UBAC2: variants seen among roughly 807,000 people sequenced by gnomAD.
UBAC2 encodes UBA domain containing 2.
In UBAC2, 26 loss-of-function variants were observed where a neutral mutation model predicts 44.0. That is an observed-to-expected ratio of 0.59 (90% confidence interval 0.43 to 0.82). UBAC2 has a LOEUF of 0.82. Among genes scored for constraint, UBAC2 ranks in the 40% least tolerant of loss-of-function variants. The pLI is 0.00. For missense variants in UBAC2, 329 were observed against 419.4 expected (o/e 0.78, Z 1.88); for synonymous variants, 155 against 154.3 (o/e 1.00, Z -0.04).
At position 99,331,861 on chromosome 13, in the gene UBAC2, C is replaced by T. The variant is rs77914076; in HGVS notation, c.562-8459C>T. On this transcript the variant is annotated intron_variant, in intron 6 of 8. Transcript: ENST00000403766. ...AGGGCAGGGATTTTTCTGTTTTGCTCCTTACTATGTTTCAGTGTTTAGAAC... is the reference window on the plus strand; with the variant it reads ...AGGGCAGGGATTTTTCTGTTTTGCTTCTTACTATGTTTCAGTGTTTAGAAC... 6.2e-3 allele frequency among the ~76,000 whole-genome samples: 936 copies of T among 151,704 alleles called. 15 individuals are homozygous for T. Among genetic ancestry groups the T allele is most frequent in the East Asian group, 0.043 (220 of 5,132 alleles).
chr13:99,334,092 A>G (rs2044754050), intron 6 of UBAC2, among the ~76,000 whole-genome samples: 1 of 152,064 alleles, frequency 6.6e-6, no homozygotes, highest in African/African-American at 2.4e-5. Flanking sequence ...GACTACAGGC[A>G]TGCACCACCA....
intron 7 of UBAC2, chr13:99,356,210 G>A (rs760165040): frequency 3.7e-6 from 2 of 534,488 alleles, no homozygotes; most frequent in Non-Finnish European, 7.7e-6. Context: ...GTACTCTGTA[G>A]ATGTCTTTGC....
intron 4 of UBAC2, among the ~76,000 whole-genome samples, chr13:99,260,558 G>A (rs981784048): frequency 1.3e-5 from 2 of 152,186 alleles, no homozygotes; most frequent in African/African-American, 4.8e-5. Context: ...ATTGACCCCC[G>A]TTCGCTGTGC....
At chr13:99,324,018 C>T (rs567390953) in intron 6 of UBAC2, among the ~76,000 whole-genome samples, 85 of 152,242 alleles carry the variant, frequency 5.6e-4, no homozygotes, top group Admixed American at 2.7e-3. Flanking sequence ...TTTCAAAATG[C>T]GACCTCCTCA....
intron 7 of UBAC2, among the ~76,000 whole-genome samples, chr13:99,366,562 G>A (rs899012742): frequency 2.0e-5 from 3 of 152,094 alleles, no homozygotes; most frequent in South Asian, 2.1e-4. Flanking sequence ...TTTGCCTGTG[G>A]TTCTTAATTC....
chr13:99,274,892 A>G (rs1474118707), intron 4 of UBAC2, among the ~76,000 whole-genome samples: 1 of 151,200 alleles, frequency 6.6e-6, no homozygotes, highest in Admixed American at 6.6e-5. Flanking sequence ...TAATTTTTGT[A>G]TTCTTTGTAG....
At chr13:99,243,761 C>A (rs1337789792) in intron 2 of UBAC2, 71 bp from the exon 3 acceptor site, 8 of 1,430,784 alleles carry the variant, frequency 5.6e-6, no homozygotes, top group Non-Finnish European at 7.6e-6. Context: ...GTAAACATAA[C>A]AAATTTGCTA....
At chr13:99,215,810 G>T in intron 1 of UBAC2, 1 of 661,532 alleles carries the variant, frequency 1.5e-6, no homozygotes, top group East Asian at 2.6e-5. Context: ...AATCAGACCC[G>T]TGGTGAGATC....
chr13:99,325,395 GC>G (rs2044627980), intron 6 of UBAC2, among the ~76,000 whole-genome samples: 1 of 152,130 alleles, frequency 6.6e-6, no homozygotes, highest in Admixed American at 6.6e-5. Flanking sequence ...GAGCCACAGT[GC>G]CCGGCCTATG....
chr13:99,279,969 G>T (rs1413951986), intron 4 of UBAC2, among the ~76,000 whole-genome samples: 2 of 152,224 alleles, frequency 1.3e-5, no homozygotes, highest in African/African-American at 4.8e-5. Context: ...CTCCCACATA[G>T]TGGACACAAC....
chr13:99,357,379 C>T (rs2045202681), intron 7 of UBAC2, among the ~76,000 whole-genome samples: 1 of 152,226 alleles, frequency 6.6e-6, no homozygotes, highest in South Asian at 2.1e-4. Flanking sequence ...CTCGTTCAGT[C>T]CTGAAGTGCT....
chr13:99,256,677 A>G (rs960243064), intron 4 of UBAC2, among the ~76,000 whole-genome samples: 1 of 149,898 alleles, frequency 6.7e-6, no homozygotes, highest in African/African-American at 2.5e-5. Context: ...CAGTAACTTG[A>G]TGTGTATGTA....
chr13:99,347,131 G>T (rs1376989199), intron 7 of UBAC2, among the ~76,000 whole-genome samples: 1 of 150,292 alleles, frequency 6.7e-6, no homozygotes, highest in Non-Finnish European at 1.5e-5. Flanking sequence ...GAAAAAAAAA[G>T]ATCTACGGAT....
intron 6 of UBAC2, among the ~76,000 whole-genome samples, chr13:99,320,524 A>G (rs1191964833): frequency 6.6e-6 from 1 of 152,202 alleles, no homozygotes; most frequent in African/African-American, 2.4e-5. Flanking sequence ...ACTATGACAA[A>G]AAATCTGATA....
intron 4 of UBAC2, chr13:99,307,352 C>T (rs1291263498): frequency 3.9e-5 from 6 of 152,084 alleles, no homozygotes; most frequent in African/African-American, 7.2e-5. Flanking sequence ...ATCAGTGACT[C>T]GTTCGGGTCT....
chr13:99,287,918 CATATA>C (rs1481902322), intron 4 of UBAC2, among the ~76,000 whole-genome samples: 4 of 152,110 alleles, frequency 2.6e-5, no homozygotes, highest in African/African-American at 4.8e-5. Context: ...CTCTCTTGAA[CATATA>C]ATATATGATA....
intron 4 of UBAC2, among the ~76,000 whole-genome samples, chr13:99,267,077 A>G (rs2043753802): frequency 6.8e-6 from 1 of 147,178 alleles, no homozygotes; most frequent in Non-Finnish European, 1.5e-5. Context: ...CCTCATGGGC[A>G]TAAGGTGGTG....
At chr13:99,279,967 T>C (rs960013528) in intron 4 of UBAC2, among the ~76,000 whole-genome samples, 2 of 152,226 alleles carry the variant, frequency 1.3e-5, no homozygotes, top group African/African-American at 4.8e-5. Context: ...GGCTCCCACA[T>C]AGTGGACACA....
Position 99,295,303 on chromosome 13 carries a change from G to A in UBAC2, c.390-18794G>A. 7 of 1,614,118 alleles carry A rather than the reference G, an allele frequency of 4.3e-6. No individual in the cohort carries two copies. The highest frequency in any genetic ancestry group is 1.1e-5 in the South Asian group (1 of 91,080). ...GAGAAATCTGGAACGAATGTCTTTG[G>A]CTACATTCCAGGAAATTAGAGAAAC... On this transcript the variant is annotated intron_variant, in intron 4 of 8. Coordinates refer to ENST00000403766, the MANE Select transcript of UBAC2 (RefSeq NM_001144072.2). The surrounding 1 kb of genome is among the most constrained non-coding windows in gnomAD (Gnocchi z 4.1).
Sources: allele counts gnomAD v4.1 joint callset (sites outside exome capture counted in the v4.1 genomes callset), GRCh38; gene constraint gnomAD v4.1.1; non-coding constraint Gnocchi (gnomAD v3.1); transcripts MANE v1.5; gene names NCBI Gene and HGNC (gene_info 2026-07-23, HGNC 2026-07-21).